Variants in PFKP observed in about 807,000 individuals in gnomAD.
The protein encoded by PFKP is phosphofructokinase, platelet.
A neutral mutation model predicts 94.3 loss-of-function variants in PFKP; 101 were observed. The ratio of observed to expected loss-of-function variants is 1.07; its 90% CI spans 0.91 to 1.26. PFKP has a LOEUF of 1.26. Among genes scored for constraint, PFKP ranks in the 50% most tolerant of loss-of-function variants. The pLI, the probability that PFKP is intolerant of heterozygous loss-of-function variation, is 0.00. For missense variants in PFKP, 1,145 were observed against 1,103.3 expected, an observed-to-expected ratio of 1.04 and a Z score of -0.53; for synonymous variants, 573 against 432.6, an observed-to-expected ratio of 1.32 and a Z score of -4.03.
chr10:3,125,069 C>G (rs762672264), intron 16 of PFKP: 4 of 1,212,100 alleles, frequency 3.3e-6, no homozygotes, highest in African/African-American at 3.2e-5. Context: ...CCGGCACCCC[C>G]GCTAACCGCT....
chr10:3,129,383 C>G (rs956811012), intron 16 of PFKP: 1 of 160,022 alleles, frequency 6.2e-6, no homozygotes, highest in African/African-American at 2.4e-5. Context: ...AATAGCACAG[C>G]GGTTCTCACG....
chr10:3,102,138 C>A (rs1430567935), intron 4 of PFKP, among the ~76,000 whole-genome samples: 5 of 146,758 alleles, frequency 3.4e-5, no homozygotes, highest in African/African-American at 1.2e-4. Context: ...GTAGTCCCAG[C>A]TACTTGGGAG....
intron 16 of PFKP, chr10:3,125,244 G>GTT (rs1837822953): frequency 7.6e-7 from 1 of 1,315,552 alleles, no homozygotes; most frequent in Non-Finnish European, 1.0e-6. Context: ...GAATGCTGTT[G>GTT]TTGAGGTAAG....
At chr10:3,084,750 AGCCCC>A (rs1833367132) in intron 2 of PFKP, among the ~76,000 whole-genome samples, 1 of 129,184 alleles carries the variant, frequency 7.7e-6, no homozygotes, top group Admixed American at 7.8e-5. Flanking sequence ...AGAGTCCTCC[AGCCCC>A]TCCCCAGGAG....
chr10:3,097,539 G>A (rs1834589900), intron 2 of PFKP, among the ~76,000 whole-genome samples: 1 of 152,170 alleles, frequency 6.6e-6, no homozygotes, highest in South Asian at 2.1e-4. Flanking sequence ...AGGGGGCCTG[G>A]TGATGGGCAG....
At chr10:3,069,408 TG>T (rs767165606) in intron 1 of PFKP, 16 of 1,579,052 alleles carry the variant, frequency 1.0e-5, no homozygotes, top group Non-Finnish European at 1.3e-5. Context: ...GGAGCCGCCT[TG>T]GGGTCGGGAT....
chr10:3,074,940 G>C (rs35741420), intron 1 of PFKP, among the ~76,000 whole-genome samples: 70,666 of 151,964 alleles, frequency 0.47, 17,491 homozygotes, highest in Non-Finnish European at 0.54. Flanking sequence ...AGAGCCGAGA[G>C]CCCAGAACAG....
At chr10:3,082,566 G>T in intron 2 of PFKP, 105 bp downstream of exon 2, 1 of 708,206 alleles carries the variant, frequency 1.4e-6, no homozygotes. Context: ...GAGCACAGCC[G>T]AAGAGGTGGG....
At chr10:3,133,092 A>G in intron 18 of PFKP, 111 bp from the exon 19 acceptor site, 2 of 756,888 alleles carry the variant, frequency 2.6e-6, no homozygotes, top group South Asian at 3.0e-5. Flanking sequence ...ATGTAGAATC[A>G]CCATAGGGTT....
intron 6 of PFKP, 40 bp from the exon 7 acceptor site, chr10:3,105,353 A>ATCC: frequency 6.5e-7 from 1 of 1,539,272 alleles, no homozygotes; most frequent in Non-Finnish European, 9.0e-7. Context: ...CGTGGGAAGG[A>ATCC]TCCTTCTGGG....
intron 14 of PFKP, 72 bp from the exon 15 acceptor site, chr10:3,118,710 A>AC: frequency 9.7e-7 from 1 of 1,035,678 alleles, no homozygotes. Context: ...CCGGGTGGGG[A>AC]CCGGCGTGGC....
intron 1 of PFKP, among the ~76,000 whole-genome samples, chr10:3,075,181 C>A (rs1187636728): frequency 2.0e-5 from 3 of 152,190 alleles, no homozygotes; most frequent in Non-Finnish European, 2.9e-5. Flanking sequence ...GGGCCAGGTG[C>A]TCCTTGCCCT....
chr10:3,101,925 C>A, intron 4 of PFKP, among the ~76,000 whole-genome samples: 1 of 152,188 alleles, frequency 6.6e-6, no homozygotes, highest in Non-Finnish European at 1.5e-5. Flanking sequence ...TCAGCCCTCA[C>A]ACTGTGTCCC....
chr10:3,067,764 CCG>C (rs1554754824), intron 1 of PFKP, 57 bp downstream of exon 1: 26 of 937,660 alleles, frequency 2.8e-5, no homozygotes, highest in Non-Finnish European at 3.4e-5. Context: ...CTGGGGAGAA[CCG>C]GGCGAAGGCG....
intron 1 of PFKP, among the ~76,000 whole-genome samples, chr10:3,068,252 C>A (rs1831891100): frequency 5.9e-5 from 9 of 152,116 alleles, no homozygotes; most frequent in Admixed American, 5.9e-4. Flanking sequence ...CGCCTCCTGT[C>A]GCCTCGTGCC....
chr10:3,068,844 C>A, intron 1 of PFKP: 1 of 336,836 alleles, frequency 3.0e-6, no homozygotes. Context: ...TTTGTTTTCC[C>A]GGTTCCTCCT....
intron 19 of PFKP, among the ~76,000 whole-genome samples, chr10:3,134,054 T>A (rs1025354511): frequency 5.3e-5 from 8 of 152,118 alleles, no homozygotes; most frequent in Non-Finnish European, 1.0e-4. Context: ...TTGCACACAC[T>A]CCTTCCTCAC....
intron 16 of PFKP, chr10:3,125,089 T>G (rs750336842): frequency 7.9e-7 from 1 of 1,263,132 alleles, no homozygotes; most frequent in East Asian, 5.8e-5. Context: ...TTGGCCCTGC[T>G]GCTTCAGGCT....
intron 2 of PFKP, among the ~76,000 whole-genome samples, chr10:3,088,922 T>C (rs1461491932): frequency 6.6e-6 from 1 of 152,126 alleles, no homozygotes; most frequent in South Asian, 2.1e-4. Context: ...TCTCTTTTTA[T>C]GCCTGGCTTA....
Sources: gnomAD v4.1 joint callset for allele counts (sites outside exome capture counted in the v4.1 genomes callset) on GRCh38, gnomAD v4.1.1 for gene constraint, MANE v1.5 for transcripts, NCBI Gene and HGNC (gene_info 2026-07-23, HGNC 2026-07-21) for gene names.